Variants in MSX1 observed in about 807,000 individuals in gnomAD.
MSX1 encodes msh homeobox 1.
Under a neutral mutation model 17.0 loss-of-function variants are expected in MSX1, and 11 were observed. The observed-to-expected ratio is 0.65, with a 90% CI of 0.41 to 1.07. The LOEUF is 1.07. Among genes scored for constraint, MSX1 ranks in the 50% least tolerant of loss-of-function variants. The pLI, the probability that MSX1 is intolerant of heterozygous loss-of-function variation, is 0.00. For synonymous variants in MSX1, 253 were observed against 211.8 expected (o/e 1.19, Z -1.69); for missense variants, 477 against 440.1 (o/e 1.08, Z -0.75).
rs1737960620 is a variant in MSX1 at position 4,863,072 on chromosome 4, G to A, written c.841G>A (p.Ala281Thr). The A allele has an allele frequency of 1.2e-6, 2 of 1,608,264 alleles. No homozygotes were observed. Among genetic ancestry groups the A allele is most frequent in the South Asian group, 1.1e-5 (1 of 90,696 alleles). ...LYGASGPFQR[A>T]ALPVAPVGLY... ...CGGTGCCTCTGGCCCCTTCCAGCGC[G>A]CCGCGCTGCCTGTGGCGCCCGTGGG... Residue 281 changes from alanine (A) to threonine (T), a missense_variant, in exon 2 of 2, where the codon GCC (alanine) becomes ACC (threonine). Physicochemically the swap from Ala to Thr is moderately conservative, Grantham distance 58. Coordinates refer to ENST00000382723, the MANE Select transcript of MSX1 (RefSeq NM_002448.3).
chr4:4,862,538 T>G, intron 1 of MSX1, 163 bp from the exon 2 acceptor site: 1 of 875,702 alleles, frequency 1.1e-6, no homozygotes, highest in Non-Finnish European at 1.9e-6. Context: ...GCAATGGGAA[T>G]TGGAGAAAAT....
chr4:4,860,888 C>A (rs35254762), intron 1 of MSX1, among the ~76,000 whole-genome samples: 1 of 151,932 alleles, frequency 6.6e-6, no homozygotes, highest in Non-Finnish European at 1.5e-5. Flanking sequence ...GTGCTTTGGG[C>A]GGATGGATGA....
chr4:4,860,415 C>T (rs1245532235), intron 1 of MSX1, 47 bp downstream of exon 1: 1 of 720,758 alleles, frequency 1.4e-6, no homozygotes, highest in Non-Finnish European at 1.8e-6. Context: ...CGGGTGGGGG[C>T]CGGGTGGGGT....
intron 1 of MSX1, among the ~76,000 whole-genome samples, chr4:4,860,773 G>A (rs33931631): frequency 0.046 from 7,071 of 152,316 alleles, 222 homozygotes; most frequent in East Asian, 0.099. Context: ...AGGAGCTGGT[G>A]TCCCCCAGCC....
chr4:4,859,854 C>T lies in MSX1; in HGVS notation c.-46C>T, dbSNP rs997942665. Reference sequence around the variant, plus strand: ...CTCCCAGCCCGCCCGGAGCCCATGCCCGGCGGCTGGCCAGTGCTGCGGCAG... The same window carrying T: ...CTCCCAGCCCGCCCGGAGCCCATGCTCGGCGGCTGGCCAGTGCTGCGGCAG... On this transcript the variant is annotated 5_prime_UTR_variant, in exon 1 of 2. Transcript: ENST00000382723. The T allele has an allele frequency of 5.6e-6, 8 of 1,421,792 alleles. No individual in the cohort carries two copies. The highest frequency in any genetic ancestry group is 7.4e-6 in the Non-Finnish European group (8 of 1,084,324). 88.1% of individuals were successfully genotyped at this position (1,421,792 alleles called of 1,614,324 possible). A position where few individuals can be genotyped will look rare whatever the true frequency, so the allele number is the denominator to read the frequency against.
intron 1 of MSX1, among the ~76,000 whole-genome samples, chr4:4,861,634 A>G (rs991318092): frequency 6.6e-6 from 1 of 152,234 alleles, no homozygotes; most frequent in Non-Finnish European, 1.5e-5. Flanking sequence ...TCCAACGCTT[A>G]GGGCCTTGGG....
In MSX1 at chr4:4,863,221, C is replaced by CGGTGCCGAGCAGG; in HGVS notation, c.*80_*81insTGCCGAGCAGGGG. ...TGTACCCCCGACGTGCTCCCCTGCT[C>CGGTGCCGAGCAGG]GGCACCGCCAGCCGCCTTCCCTTTA... On this transcript the variant is annotated 3_prime_UTR_variant, in exon 2 of 2. Coordinates refer to ENST00000382723, the MANE Select transcript of MSX1 (RefSeq NM_002448.3). 1 of 1,428,454 alleles carries CGGTGCCGAGCAGG rather than the reference C, an allele frequency of 7.0e-7. No homozygotes were observed. The highest frequency in any genetic ancestry group is 9.5e-7 in the Non-Finnish European group (1 of 1,051,358). 88.5% of individuals were successfully genotyped at this position (1,428,454 alleles called of 1,614,324 possible). A position where few individuals can be genotyped will look rare whatever the true frequency, so the allele number is the denominator to read the frequency against.
At chr4:4,860,674 C>G (rs908528364) in intron 1 of MSX1, among the ~76,000 whole-genome samples, 5 of 152,220 alleles carry the variant, frequency 3.3e-5, no homozygotes, top group Admixed American at 2.0e-4. Context: ...TCATCTGATC[C>G]CAAACTCTGT....
In MSX1 at chr4:4,860,326, A is replaced by T. The variant is rs369625915; in HGVS notation, c.427A>T (p.Thr143Ser). 7.5e-6 allele frequency: 12 copies of T among 1,589,826 alleles called. No homozygotes were observed. Among genetic ancestry groups the T allele is most frequent in the Admixed American group, 1.7e-5 (1 of 59,568 alleles). The change falls in exon 1 of 2, where the codon ACC becomes TCC. Residue 143 changes from threonine (T) to serine (S), a missense_variant. This residue lies in a region of MSX1 where 355 missense variants were observed against 306.1 expected (regional missense o/e 1.16). Transcript: ENST00000382723. Reference protein sequence around the residue: ...KAESPEKPERTPWMQSPRFSP... With the variant: ...KAESPEKPERSPWMQSPRFSP... The stretch of plus-strand genomic sequence containing the variant: ...CGAGAGCCCCGAGAAGCCCGAGAGG[A>T]CCCCGTGGATGCAGAGCCCCCGCTT...
rs547137864 is a variant in MSX1 at position 4,860,007 on chromosome 4, C to A, written c.108C>A (p.Ala36=). 52 of 1,498,062 alleles carry A rather than the reference C, an allele frequency of 3.5e-5. 1 individual carries two copies. Among genetic ancestry groups the A allele is most frequent in the East Asian group, 3.3e-4 (12 of 35,996 alleles). 92.8% of individuals were successfully genotyped at this position (1,498,062 alleles called of 1,614,324 possible). The change falls in exon 1 of 2, where the codon GCC becomes GCA. Residue 36 remains alanine, a synonymous_variant. Transcript: ENST00000382723. ...GGGAGQAPSA[A]AATAAAMGAD... is the part of the protein sequence containing the mutation. ...GCGCGGGCCAGGCCCCCAGCGCCGC[C>A]GCGGCCACGGCAGCCGCCATGGGCG...
chr4:4,860,189 G>C lies in MSX1; in HGVS notation c.290G>C (p.Gly97Ala). ...QAAGGSAQPLGVPPGSLGAPD... is the reference protein window; with the variant it reads ...QAAGGSAQPLAVPPGSLGAPD... ...GCGGGTGGCTCGGCGCAGCCACTGG[G>C]CGTCCCGCCGGGGTCGCTGGGAGCC... The change falls in exon 1 of 2, where the codon GGC becomes GCC. Residue 97 changes from glycine (G) to alanine (A), a missense_variant. This residue lies in a region of MSX1 where 355 missense variants were observed against 306.1 expected (regional missense o/e 1.16). Coordinates refer to ENST00000382723, the MANE Select transcript of MSX1 (RefSeq NM_002448.3). The C allele has an allele frequency of 1.3e-6, 2 of 1,517,254 alleles. No homozygotes were observed. The highest frequency in any genetic ancestry group is 2.4e-5 in the South Asian group (2 of 82,230). The allele number at this position is 1,517,254 out of a possible 1,614,324, so 94.0% of individuals were successfully genotyped here. A position where few individuals can be genotyped will look rare whatever the true frequency, so the allele number is the denominator to read the frequency against.
At position 4,859,828 on chromosome 4, in the gene MSX1, G is replaced by C; in HGVS notation, c.-72G>C. On this transcript the variant is annotated 5_prime_UTR_variant, in exon 1 of 2. Coordinates refer to ENST00000382723, the MANE Select transcript of MSX1 (RefSeq NM_002448.3). ...CCGGGCGCTCGCAGAGGCCGGCCGC[G>C]CTCCCAGCCCGCCCGGAGCCCATGC... 2 of 1,305,906 alleles carry C rather than the reference G, an allele frequency of 1.5e-6. No homozygotes were observed. Among genetic ancestry groups the C allele is most frequent in the Non-Finnish European group, 2.0e-6 (2 of 1,020,158 alleles). 80.9% of individuals were successfully genotyped at this position (1,305,906 alleles called of 1,614,324 possible). A position where few individuals can be genotyped will look rare whatever the true frequency, so the allele number is the denominator to read the frequency against.
chr4:4,863,273 C>A lies in MSX1; in HGVS notation c.*130C>A, dbSNP rs35106909. The stretch of plus-strand genomic sequence containing the variant: ...CCCTCACACTGCTCCAGTTTCACCT[C>A]TTTGCTCCCTGAGTTCACTCTCCGA... On this transcript the variant is annotated 3_prime_UTR_variant, in exon 2 of 2. Coordinates refer to ENST00000382723, the MANE Select transcript of MSX1 (RefSeq NM_002448.3). 5.1e-6 allele frequency: 5 copies of A among 986,972 alleles called. No homozygotes were observed. The highest frequency in any genetic ancestry group is 7.5e-6 in the Non-Finnish European group (5 of 664,316). 61.1% of individuals were successfully genotyped at this position (986,972 alleles called of 1,614,324 possible).
Position 4,863,253 on chromosome 4 carries a change from A to G in MSX1, c.*110A>G. 1 of 1,124,506 alleles carries G rather than the reference A, an allele frequency of 8.9e-7. No homozygotes were observed. The highest frequency in any genetic ancestry group is 1.3e-6 in the Non-Finnish European group (1 of 783,938). The allele number at this position is 1,124,506 out of a possible 1,614,324, so 69.7% of individuals were successfully genotyped here. On this transcript the variant is annotated 3_prime_UTR_variant, in exon 2 of 2. Coordinates refer to ENST00000382723, the MANE Select transcript of MSX1 (RefSeq NM_002448.3). ...GCCAGCCGCCTTCCCTTTAACCCTC[A>G]CACTGCTCCAGTTTCACCTCTTTGC... is the stretch of plus-strand genomic sequence containing the variant.
Position 4,863,354 on chromosome 4 carries a change from T to TACGACGACCACC in MSX1, c.*211_*212insACGACGACCACC. 2.7e-6 allele frequency: 1 copy of TACGACGACCACC among 374,032 alleles called. No homozygotes were observed. The highest frequency in any genetic ancestry group is 4.7e-6 in the Non-Finnish European group (1 of 213,060). The allele number at this position is 374,032 out of a possible 1,614,324, so 23.2% of individuals were successfully genotyped here. A position where few individuals can be genotyped will look rare whatever the true frequency, so the allele number is the denominator to read the frequency against. Reference sequence around the variant, plus strand: ...GAGTCCCTTAGTACTCTTCTAGCATTTAGATCTACACTCTCGAGTTAAAGA... The same window carrying TACGACGACCACC: ...GAGTCCCTTAGTACTCTTCTAGCATTACGACGACCACCTAGATCTACACTCTCGAGTTAAAGA... On this transcript the variant is annotated 3_prime_UTR_variant, in exon 2 of 2. Transcript: ENST00000382723.
In MSX1 at chr4:4,859,856, G is replaced by A. The variant is rs1577534853; in HGVS notation, c.-44G>A. On this transcript the variant is annotated 5_prime_UTR_variant, in exon 1 of 2. Transcript: ENST00000382723. ...CCCAGCCCGCCCGGAGCCCATGCCC[G>A]GCGGCTGGCCAGTGCTGCGGCAGAA... The A allele has an allele frequency of 4.2e-6, 6 of 1,423,062 alleles. No individual in the cohort carries two copies. The South Asian group carries it at 4.5e-5, about 11-fold the overall frequency. 88.2% of individuals were successfully genotyped at this position (1,423,062 alleles called of 1,614,324 possible).
In MSX1 at chr4:4,860,163, G is replaced by C; in HGVS notation, c.264G>C (p.Ala88=). The C allele has an allele frequency of 6.6e-7, 1 of 1,507,754 alleles. No individual in the cohort carries two copies. Among genetic ancestry groups the C allele is most frequent in the Non-Finnish European group, 8.8e-7 (1 of 1,134,998 alleles). 93.4% of individuals were successfully genotyped at this position (1,507,754 alleles called of 1,614,324 possible). The change falls in exon 1 of 2, where the codon GCG becomes GCC. Residue 88 remains alanine, a synonymous_variant. Transcript: ENST00000382723. ...SALAPSEGVQ[A]AGGSAQPLGV... ...TGGCGCCCTCCGAGGGCGTGCAGGC[G>C]GCGGGTGGCTCGGCGCAGCCACTGG...
In MSX1 at chr4:4,859,860, G is replaced by T; in HGVS notation, c.-40G>T. 1.4e-6 allele frequency: 2 copies of T among 1,433,274 alleles called. No homozygotes were observed. The highest frequency in any genetic ancestry group is 2.8e-5 in the Admixed American group (1 of 36,304). The allele number at this position is 1,433,274 out of a possible 1,614,324, so 88.8% of individuals were successfully genotyped here. ...GCCCGCCCGGAGCCCATGCCCGGCG[G>T]CTGGCCAGTGCTGCGGCAGAAGGGG... On this transcript the variant is annotated 5_prime_UTR_variant, in exon 1 of 2. Transcript: ENST00000382723.
intron 1 of MSX1, among the ~76,000 whole-genome samples, chr4:4,861,780 C>A (rs891257412): frequency 6.6e-6 from 1 of 152,194 alleles, no homozygotes; most frequent in African/African-American, 2.4e-5. Flanking sequence ...TCACTGTCCA[C>A]CCTTGAGGTT....
Sources: gnomAD v4.1 joint callset for allele counts (sites outside exome capture counted in the v4.1 genomes callset) on GRCh38, gnomAD v4.1.1 for gene constraint, gnomAD v4.1.1 regional missense constraint, MANE v1.5 for transcripts, NCBI Gene and HGNC (gene_info 2026-07-23, HGNC 2026-07-21) for gene names.